Variants in FMN2 observed in about 807,000 individuals in gnomAD.
The protein encoded by FMN2 is formin 2, also known as formin-2.
In FMN2, 51 loss-of-function variants were observed where a neutral mutation model predicts 142.3. The ratio of observed to expected loss-of-function variants is 0.36; its 90% CI spans 0.29 to 0.45. The LOEUF is 0.45. FMN2 is among the 20% of genes least tolerant of loss of function. The probability of loss-of-function intolerance (pLI) is 1.00; values close to 1 mark genes in which losing one functional copy is unlikely to be tolerated. For synonymous variants in FMN2, 882 were observed against 869.8 expected (o/e 1.01, Z -0.25); for missense variants, 1,936 against 2,122.8 (o/e 0.91, Z 1.73).
intron 13 of FMN2, among the ~76,000 whole-genome samples, chr1:240,353,283 G>T (rs920379600): frequency 6.6e-6 from 1 of 152,146 alleles, no homozygotes; most frequent in Non-Finnish European, 1.5e-5. Flanking sequence ...ACTCATAGTG[G>T]CTGATCATCA....
intron 6 of FMN2, among the ~76,000 whole-genome samples, chr1:240,255,008 G>A (rs781605973): frequency 1.1e-4 from 16 of 152,182 alleles, no homozygotes; most frequent in Non-Finnish European, 2.1e-4. Context: ...CCCAATGTTA[G>A]CCTCAGGGCC....
intron 2 of FMN2, among the ~76,000 whole-genome samples, chr1:240,168,421 T>C (rs975395010): frequency 2.0e-5 from 3 of 151,872 alleles, no homozygotes; most frequent in African/African-American, 7.3e-5. Flanking sequence ...ACTCCATCTC[T>C]CCAAAAAACA....
intron 16 of FMN2, among the ~76,000 whole-genome samples, chr1:240,460,130 A>G (rs897662415): frequency 2.6e-5 from 4 of 152,228 alleles, no homozygotes; most frequent in Non-Finnish European, 5.9e-5. Context: ...GATGAACGCT[A>G]TAGCCCACTG....
At chr1:240,171,095 T>C in intron 2 of FMN2, 1 of 1,415,220 alleles carries the variant, frequency 7.1e-7, no homozygotes, top group Non-Finnish European at 1.0e-6. Context: ...TTCCAGCTGG[T>C]AACAGGTCGC....
intron 1 of FMN2, among the ~76,000 whole-genome samples, chr1:240,102,680 A>G (rs1558296032): frequency 1.3e-5 from 2 of 152,028 alleles, no homozygotes; most frequent in Admixed American, 6.5e-5. Flanking sequence ...CTTTCAGGGT[A>G]TAGGGATTGA....
Position 240,277,237 on chromosome 1 carries a change from A to G in FMN2, c.4154-17585A>G, listed in dbSNP as rs1045838053. On this transcript the variant is annotated intron_variant, in intron 7 of 17. Transcript: ENST00000319653. Reference sequence around the variant, plus strand: ...ATATTTGTCACAGTAGCCATTTGGAAGAGAATACAGATTGAGTTATTGATG... The same window carrying G: ...ATATTTGTCACAGTAGCCATTTGGAGGAGAATACAGATTGAGTTATTGATG... Among the ~76,000 whole-genome samples, 3 of 152,184 alleles carry G rather than the reference A, an allele frequency of 2.0e-5. No individual in the cohort carries two copies. In the East Asian group the frequency reaches 5.8e-4, roughly 29 times the overall value.
intron 13 of FMN2, 92 bp from the exon 14 acceptor site, chr1:240,355,724 G>C (rs1484771083): frequency 1.2e-6 from 1 of 825,138 alleles, no homozygotes. Flanking sequence ...GGAGTTAACA[G>C]AATTTTCTAA....
chr1:240,275,144 G>C (rs12035274), intron 7 of FMN2, among the ~76,000 whole-genome samples: 2 of 149,930 alleles, frequency 1.3e-5, no homozygotes, highest in African/African-American at 4.9e-5. Flanking sequence ...GAACGTGCAG[G>C]TTTGTTACAT....
At chr1:240,348,825 A>G (rs1351006970) in intron 13 of FMN2, among the ~76,000 whole-genome samples, 3 of 152,158 alleles carry the variant, frequency 2.0e-5, no homozygotes, top group Non-Finnish European at 4.4e-5. Context: ...CCAGACATCA[A>G]TGTTTTTACT....
intron 14 of FMN2, among the ~76,000 whole-genome samples, chr1:240,374,187 C>T (rs72767931): frequency 0.016 from 2,425 of 152,194 alleles, 28 homozygotes; most frequent in Non-Finnish European, 0.025. Context: ...GTGCTGTCAT[C>T]CAGGCTTTGT....
intron 11 of FMN2, among the ~76,000 whole-genome samples, chr1:240,331,125 CT>C (rs1049641358): frequency 5.3e-5 from 8 of 151,744 alleles, no homozygotes; most frequent in Non-Finnish European, 1.2e-4. Context: ...GACAGTATAT[CT>C]TTTTTTCTTT....
intron 14 of FMN2, among the ~76,000 whole-genome samples, chr1:240,361,391 G>A (rs1334106265): frequency 6.6e-6 from 1 of 151,916 alleles, no homozygotes; most frequent in Non-Finnish European, 1.5e-5. Context: ...GGTGGAGGCA[G>A]ATTGGACTTG....
At chr1:240,185,657 C>G (rs559609943) in intron 3 of FMN2, among the ~76,000 whole-genome samples, 21 of 152,224 alleles carry the variant, frequency 1.4e-4, no homozygotes, top group African/African-American at 4.8e-4. Flanking sequence ...GTCCAGTTAC[C>G]GGGTCAAGGA....
At chr1:240,379,132 C>T (rs1673144417) in intron 14 of FMN2, among the ~76,000 whole-genome samples, 1 of 152,166 alleles carries the variant, frequency 6.6e-6, no homozygotes, top group South Asian at 2.1e-4. Flanking sequence ...CCCTTTAAGG[C>T]TTGTTTTTAA....
At chr1:240,099,639 T>G (rs1661344823) in intron 1 of FMN2, among the ~76,000 whole-genome samples, 1 of 152,238 alleles carries the variant, frequency 6.6e-6, no homozygotes. Context: ...TTCCCGACTT[T>G]GTGCCTTTGT....
At chr1:240,344,615 T>G (rs2103032715) in intron 13 of FMN2, among the ~76,000 whole-genome samples, 1 of 152,314 alleles carries the variant, frequency 6.6e-6, no homozygotes, top group Admixed American at 6.5e-5. Flanking sequence ...ACAGGAGAAT[T>G]AATGAGAAGA....
chr1:240,472,420 T>G lies in FMN2; in HGVS notation c.5109T>G (p.Leu1703=), dbSNP rs913058896. The G allele has an allele frequency of 6.2e-7, 1 of 1,612,070 alleles. No homozygotes were observed. ...EVCRQKKGKS[L]YKIKPRHDSG... ...GTAGACAGAAGAAAGGAAAATCACT[T>G]TATAAAATAAAACCAAGACATGACT... The change falls in exon 17 of 18, where the codon CTT becomes CTG. Residue 1703 remains leucine (L), a synonymous_variant. Transcript: ENST00000319653.
intron 13 of FMN2, among the ~76,000 whole-genome samples, chr1:240,353,318 A>G (rs1443666761): frequency 6.6e-6 from 1 of 152,100 alleles, no homozygotes; most frequent in Non-Finnish European, 1.5e-5. Context: ...AATTCATTAA[A>G]CTCACTACCA....
At chr1:240,166,026 G>A (rs988052560) in intron 2 of FMN2, among the ~76,000 whole-genome samples, 3 of 151,910 alleles carry the variant, frequency 2.0e-5, no homozygotes, top group Admixed American at 2.0e-4. Flanking sequence ...CACTAGGTCT[G>A]TGTTCTCCCT....
Sources: allele counts gnomAD v4.1 joint callset (sites outside exome capture counted in the v4.1 genomes callset), GRCh38; gene constraint gnomAD v4.1.1; transcripts MANE v1.5; gene names NCBI Gene and HGNC (gene_info 2026-07-23, HGNC 2026-07-21).